Variants in ZBTB20 observed in about 807,000 individuals in gnomAD.
ZBTB20 encodes the protein zinc finger and BTB domain-containing protein 20.
ZBTB20 carries 9 observed loss-of-function variants against 56.9 expected under a neutral mutation model. The observed-to-expected ratio is 0.16, with a 90% CI of 0.10 to 0.28. The LOEUF is 0.28. Among genes scored for constraint, ZBTB20 ranks in the 10% least tolerant of loss-of-function variants. The pLI is 1.00. For synonymous variants in ZBTB20, 417 were observed against 420.7 expected, an observed-to-expected ratio of 0.99 and a Z score of 0.11; for missense variants, 655 against 1,003.0, an observed-to-expected ratio of 0.65 and a Z score of 4.69.
intron 7 of ZBTB20, among the ~76,000 whole-genome samples, chr3:114,447,110 A>T (rs1040530536): frequency 6.6e-6 from 1 of 152,168 alleles, no homozygotes. Flanking sequence ...GAAATAAACA[A>T]GTAGCTCTTC....
intron 4 of ZBTB20, among the ~76,000 whole-genome samples, chr3:114,878,904 CT>C (rs2076296558): frequency 6.6e-6 from 1 of 152,132 alleles, no homozygotes; most frequent in South Asian, 2.1e-4. Context: ...CACAAAAATG[CT>C]TCAAGATTAT....
At chr3:114,384,130 T>TTC (rs892528946) in intron 8 of ZBTB20, among the ~76,000 whole-genome samples, 70 of 98,712 alleles carry the variant, frequency 7.1e-4, no homozygotes, top group East Asian at 2.9e-3. Context: ...CTCTCTCTCA[T>TTC]TCTCTCTCTC....
intron 2 of ZBTB20, among the ~76,000 whole-genome samples, chr3:115,031,158 C>A (rs1267683261): frequency 2.6e-5 from 4 of 151,398 alleles, no homozygotes; most frequent in Non-Finnish European, 5.9e-5. Context: ...ATTATCTAAT[C>A]AAAAGAACAG....
At chr3:114,538,480 C>A (rs893867250) in intron 6 of ZBTB20, among the ~76,000 whole-genome samples, 4 of 152,134 alleles carry the variant, frequency 2.6e-5, no homozygotes, top group African/African-American at 9.7e-5. Flanking sequence ...CTTAAATTTT[C>A]ATTTGACATA....
intron 6 of ZBTB20, among the ~76,000 whole-genome samples, chr3:114,537,474 A>T (rs888818003): frequency 2.0e-5 from 3 of 152,216 alleles, no homozygotes; most frequent in Non-Finnish European, 2.9e-5. Flanking sequence ...ATCATTAAAA[A>T]GTTAGGAAAC....
intron 1 of ZBTB20, among the ~76,000 whole-genome samples, chr3:115,138,130 T>A (rs1351562030): frequency 6.6e-6 from 1 of 152,100 alleles, no homozygotes; most frequent in Non-Finnish European, 1.5e-5. Flanking sequence ...CTCACCCCTA[T>A]TTCTGCATGA....
At chr3:114,623,870 T>C (rs2058488205) in intron 6 of ZBTB20, among the ~76,000 whole-genome samples, 1 of 151,900 alleles carries the variant, frequency 6.6e-6, no homozygotes, top group East Asian at 1.9e-4. Context: ...CATCCATCGG[T>C]GGCAGTATGA....
intron 4 of ZBTB20, among the ~76,000 whole-genome samples, chr3:114,839,406 T>TGGAAGAAAGAAA (rs2074267228): frequency 1.4e-5 from 1 of 72,692 alleles, no homozygotes; most frequent in East Asian, 3.9e-4. Flanking sequence ...AGAGCCTGTC[T>TGGAAGAAAGAAA]GAAAGAAAGA....
intron 5 of ZBTB20, among the ~76,000 whole-genome samples, chr3:114,747,540 G>C (rs568047001): frequency 6.6e-6 from 1 of 152,138 alleles, no homozygotes; most frequent in African/African-American, 2.4e-5. Context: ...CTCCAGCCTG[G>C]GTGACAGAGC....
At chr3:114,588,490 G>C (rs1363130700) in intron 6 of ZBTB20, among the ~76,000 whole-genome samples, 7 of 152,132 alleles carry the variant, frequency 4.6e-5, no homozygotes, top group African/African-American at 1.7e-4. Flanking sequence ...GTCTCTTTTA[G>C]TGTATGCTCA....
At chr3:114,386,768 G>A (rs1241749746) in intron 8 of ZBTB20, among the ~76,000 whole-genome samples, 2 of 152,102 alleles carry the variant, frequency 1.3e-5, no homozygotes, top group Admixed American at 1.3e-4. Flanking sequence ...GGGTTTTTTT[G>A]GGGGTAGAAT....
chr3:114,833,161 G>A (rs972949533), intron 4 of ZBTB20, among the ~76,000 whole-genome samples: 5 of 152,086 alleles, frequency 3.3e-5, no homozygotes, highest in African/African-American at 1.2e-4. Context: ...CTATACATAA[G>A]AAAATAGTCT....
intron 5 of ZBTB20, among the ~76,000 whole-genome samples, chr3:114,727,699 T>C (rs1309750783): frequency 6.6e-6 from 1 of 152,238 alleles, no homozygotes; most frequent in East Asian, 1.9e-4. Flanking sequence ...TGAAGATTCA[T>C]GTAGAAATCT....
At chr3:114,623,543 C>T (rs921788598) in intron 6 of ZBTB20, among the ~76,000 whole-genome samples, 2 of 152,068 alleles carry the variant, frequency 1.3e-5, no homozygotes, top group Non-Finnish European at 2.9e-5. Context: ...TTCCAAAGGT[C>T]GGGTGTGGGG....
chr3:114,611,245 G>A (rs534652342), intron 6 of ZBTB20, among the ~76,000 whole-genome samples: 1 of 152,250 alleles, frequency 6.6e-6, no homozygotes, highest in African/African-American at 2.4e-5. Context: ...ATTTTCAGGC[G>A]GCAGTCCTAT....
intron 4 of ZBTB20, among the ~76,000 whole-genome samples, chr3:114,831,902 C>T (rs1333537741): frequency 6.6e-6 from 1 of 151,992 alleles, no homozygotes; most frequent in African/African-American, 2.4e-5. Context: ...ATTCTAGGAT[C>T]CTATTCCACC....
chr3:114,687,894 G>C (rs1192149848), intron 6 of ZBTB20: 1 of 151,982 alleles, frequency 6.6e-6, no homozygotes, highest in Admixed American at 6.6e-5. Context: ...TTTCTCCTTT[G>C]GCTCCAGATC....
At chr3:114,935,015 A>G (rs1489793441) in intron 3 of ZBTB20, among the ~76,000 whole-genome samples, 1 of 152,152 alleles carries the variant, frequency 6.6e-6, no homozygotes, top group African/African-American at 2.4e-5. Context: ...ATTGGTTTTT[A>G]TAGATATGAT....
At chr3:115,059,988 T>C (rs2081958490) in intron 2 of ZBTB20, among the ~76,000 whole-genome samples, 1 of 152,212 alleles carries the variant, frequency 6.6e-6, no homozygotes, top group Non-Finnish European at 1.5e-5. Flanking sequence ...GAAAATTGTA[T>C]AGTAATTCCT....
Sources: gnomAD v4.1 joint callset for allele counts (sites outside exome capture counted in the v4.1 genomes callset) on GRCh38, gnomAD v4.1.1 for gene constraint, MANE v1.5 for transcripts, NCBI Gene and HGNC (gene_info 2026-07-23, HGNC 2026-07-21) for gene names.